Variants in GDPGP1 observed in about 807,000 individuals in gnomAD.
The protein encoded by GDPGP1 is GDP-D-glucose phosphorylase 1, also known as GDP-D-glucose phosphorylase C15orf58.
Under a neutral mutation model 19.2 loss-of-function variants are expected in GDPGP1, and 18 were observed. The observed-to-expected ratio is 0.94, with a 90% CI of 0.65 to 1.39. The LOEUF (loss-of-function observed/expected upper bound fraction) is 1.39. Among genes scored for constraint, GDPGP1 ranks in the 40% most tolerant of loss-of-function variants. The pLI, the probability that GDPGP1 is intolerant of heterozygous loss-of-function variation, is 0.00. For missense variants in GDPGP1, 449 were observed against 490.5 expected, an observed-to-expected ratio of 0.92 and a Z score of 0.80; for synonymous variants, 219 against 208.9, an observed-to-expected ratio of 1.05 and a Z score of -0.42.
rs1484777535 is a variant in GDPGP1, at chr15:90,241,669, G to A, written c.761G>A (p.Gly254Asp). Reference sequence around the variant, plus strand: ...CTGCTCCAGGACCTCCCAGCTCCTGGCTTCCTCTTTTACACTCGTGGGCCA... The same window carrying A: ...CTGCTCCAGGACCTCCCAGCTCCTGACTTCCTCTTTTACACTCGTGGGCCA... Reference protein sequence around the residue: ...LHLLQDLPAPGFLFYTRGPGP... With the variant: ...LHLLQDLPAPDFLFYTRGPGP... Residue 254 changes from glycine to aspartate, a missense_variant, in exon 4 of 4, where the codon GGC (glycine) becomes GAC (aspartate). Gly to Asp is a moderately conservative substitution (Grantham distance 94). Coordinates refer to ENST00000329600, the MANE Select transcript of GDPGP1 (RefSeq NM_001013657.3). 1 of 1,614,100 alleles carries A rather than the reference G, an allele frequency of 6.2e-7. No individual in the cohort carries two copies. Among genetic ancestry groups the A allele is most frequent in the African/African-American group, 1.3e-5 (1 of 74,934 alleles).
rs1962828462 is a variant in GDPGP1 at position 90,244,624 on chromosome 15, ACCAGCCTGG to A, written c.*2562_*2570del. ...GCAAATCACTTGTCAGGAGTTCGAG[ACCAGCCTGG>A]CCAACATGGTGAAACCCCATCTCTA... On this transcript the variant is annotated 3_prime_UTR_variant, in exon 4 of 4. Transcript: ENST00000329600. 6.6e-6 allele frequency: 1 copy of A among 152,158 alleles called. No homozygotes were observed. The highest frequency in any genetic ancestry group is 2.4e-5 in the African/African-American group (1 of 41,406). 9.4% of individuals were successfully genotyped at this position (152,158 alleles called of 1,614,324 possible). A position where few individuals can be genotyped will look rare whatever the true frequency, so the allele number is the denominator to read the frequency against.
At position 90,245,510 on chromosome 15, in the gene GDPGP1, A is replaced by T. The variant is rs1025921679; in HGVS notation, c.*3444A>T. The T allele has an allele frequency of 1.3e-5, 2 of 151,140 alleles. No homozygotes were observed. Among genetic ancestry groups the T allele is most frequent in the Non-Finnish European group, 2.9e-5 (2 of 67,830 alleles). 9.4% of individuals were successfully genotyped at this position (151,140 alleles called of 1,614,324 possible). A position where few individuals can be genotyped will look rare whatever the true frequency, so the allele number is the denominator to read the frequency against. On this transcript the variant is annotated 3_prime_UTR_variant, in exon 4 of 4. Coordinates refer to ENST00000329600, the MANE Select transcript of GDPGP1 (RefSeq NM_001013657.3). ...AAAGAAAAAAACAGTTTACCATTCT[A>T]TCAGAAAATGTTGACCACCCTCATA...
At chr15:90,238,982 C>G (rs544970748) in intron 3 of GDPGP1, among the ~76,000 whole-genome samples, 1 of 152,080 alleles carries the variant, frequency 6.6e-6, no homozygotes, top group Admixed American at 6.5e-5. Flanking sequence ...CTACTCTGAC[C>G]CAGTGGTATA....
chr15:90,239,305 A>ATG (rs4031525), intron 3 of GDPGP1, among the ~76,000 whole-genome samples: 27,431 of 147,814 alleles, frequency 0.19, 2,673 homozygotes, highest in East Asian at 0.31. Context: ...GAGACATAAA[A>ATG]TGTGTGTGTG....
In GDPGP1 at chr15:90,241,387, G is replaced by T. The variant is rs1962753469; in HGVS notation, c.479G>T (p.Ser160Ile). Residue 160 changes from serine (S) to isoleucine (I), a missense_variant, in exon 4 of 4, where the codon AGC (serine) becomes ATC (isoleucine). Physicochemically the swap from Ser to Ile is moderately radical, Grantham distance 142. Coordinates refer to ENST00000329600, the MANE Select transcript of GDPGP1 (RefSeq NM_001013657.3). ...QEDILVVINV[S>I]PLEWGHVLLV... The stretch of plus-strand genomic sequence containing the variant: ...GACATCCTGGTGGTGATCAACGTCA[G>T]CCCCCTGGAGTGGGGCCACGTGCTG... 1 of 1,613,916 alleles carries T rather than the reference G, an allele frequency of 6.2e-7. No homozygotes were observed.
At position 90,242,606 on chromosome 15, in the gene GDPGP1, G is replaced by A. The variant is rs1308036874; in HGVS notation, c.*540G>A. 5 of 150,876 alleles carry A rather than the reference G, an allele frequency of 3.3e-5. No individual in the cohort carries two copies. The highest frequency in any genetic ancestry group is 6.6e-5 in the Admixed American group (1 of 15,100). 9.3% of individuals were successfully genotyped at this position (150,876 alleles called of 1,614,324 possible). A position where few individuals can be genotyped will look rare whatever the true frequency, so the allele number is the denominator to read the frequency against. The stretch of plus-strand genomic sequence containing the variant: ...TATACAGGCTCCTGCCACCAAACCC[G>A]GCTAATTTTTTTGTATTTTTAAAAG... On this transcript the variant is annotated 3_prime_UTR_variant, in exon 4 of 4. Coordinates refer to ENST00000329600, the MANE Select transcript of GDPGP1 (RefSeq NM_001013657.3).
At position 90,238,798 on chromosome 15, in the gene GDPGP1, C is replaced by T. The variant is rs117113619; in HGVS notation, c.-10+250C>T. 3.3e-5 allele frequency among the ~76,000 whole-genome samples: 5 copies of T among 152,242 alleles called. No individual in the cohort carries two copies. The East Asian group carries it at 9.6e-4, about 29-fold the overall frequency. On this transcript the variant is annotated intron_variant, in intron 3 of 3. Coordinates refer to ENST00000329600, the MANE Select transcript of GDPGP1 (RefSeq NM_001013657.3). ...ACAAAAGAAGTGGTCATCTTTGAAA[C>T]CCTGAGCACTCTCATGCACTGGAAC...
chr15:90,238,028 G>T (rs140655715), intron 2 of GDPGP1, among the ~76,000 whole-genome samples: 1 of 152,136 alleles, frequency 6.6e-6, no homozygotes, highest in African/African-American at 2.4e-5. Flanking sequence ...GGCCAGGTGC[G>T]GTGGCTCACG....
At position 90,245,761 on chromosome 15, in the gene GDPGP1, G is replaced by A. The variant is rs1455312144; in HGVS notation, c.*3695G>A. 2 of 152,120 alleles carry A rather than the reference G, an allele frequency of 1.3e-5. No homozygotes were observed. The highest frequency in any genetic ancestry group is 2.9e-5 in the Non-Finnish European group (2 of 68,012). The allele number at this position is 152,120 out of a possible 1,614,324, so 9.4% of individuals were successfully genotyped here. A position where few individuals can be genotyped will look rare whatever the true frequency, so the allele number is the denominator to read the frequency against. The stretch of plus-strand genomic sequence containing the variant: ...GGAAAGCCTTCCCTGACTCAAATAT[G>A]TTTCTCCATATAAAAAGGGGAAAGT... On this transcript the variant is annotated 3_prime_UTR_variant, in exon 4 of 4. Coordinates refer to ENST00000329600, the MANE Select transcript of GDPGP1 (RefSeq NM_001013657.3).
chr15:90,234,782 C>T (rs1962596797), intron 2 of GDPGP1, among the ~76,000 whole-genome samples, 186 bp downstream of exon 2: 2 of 152,194 alleles, frequency 1.3e-5, no homozygotes, highest in Non-Finnish European at 2.9e-5. Flanking sequence ...AGACTGCTGA[C>T]CCTTTGCTCT....
At chr15:90,239,136 G>A (rs899295316) in intron 3 of GDPGP1, among the ~76,000 whole-genome samples, 8 of 152,090 alleles carry the variant, frequency 5.3e-5, no homozygotes, top group African/African-American at 1.9e-4. Flanking sequence ...TGGTTAAAAA[G>A]TCAAGATCCA....
Position 90,240,970 on chromosome 15 carries a change from G to A in GDPGP1, c.62G>A (p.Trp21Ter). Residue 21 changes from tryptophan to a stop codon, truncating the protein, a stop_gained, in exon 4 of 4, where the codon TGG becomes TAG. Transcript: ENST00000329600. LOFTEE classifies it high-confidence loss of function. Reference sequence around the variant, plus strand: ...TTGCTGCCTCCCAACAATGAGGACTGGGGCAGGCAAACCATTCCTGACTTT... The same window carrying A: ...TTGCTGCCTCCCAACAATGAGGACTAGGGCAGGCAAACCATTCCTGACTTT... Reference protein sequence around the residue: ...SYLLPPNNEDWGRQTIPDFVY... With the variant: ...SYLLPPNNED 2.5e-6 allele frequency: 4 copies of A among 1,613,954 alleles called. No homozygotes were observed. The highest frequency in any genetic ancestry group is 3.4e-6 in the Non-Finnish European group (4 of 1,179,846).
Position 90,241,949 on chromosome 15 carries a change from C to T in GDPGP1, c.1041C>T (p.Phe347=). The T allele has an allele frequency of 1.2e-6, 2 of 1,614,184 alleles. No homozygotes were observed. Among genetic ancestry groups the T allele is most frequent in the Non-Finnish European group, 1.7e-6 (2 of 1,180,032 alleles). Residue 347 remains phenylalanine, a synonymous_variant, in exon 4 of 4, where the codon TTC becomes TTT. Transcript: ENST00000329600. ...GHLPVKTSQD[F]SSLTEAAAVA... is the part of the protein sequence containing the mutation. Reference sequence around the variant, plus strand: ...TCCCTGTCAAAACATCCCAGGACTTCAGCAGCCTGACAGAGGCAGCTGCTG... The same window carrying T: ...TCCCTGTCAAAACATCCCAGGACTTTAGCAGCCTGACAGAGGCAGCTGCTG...
chr15:90,238,296 T>A (rs1313740384), intron 2 of GDPGP1, among the ~76,000 whole-genome samples, 196 bp from the exon 3 acceptor site: 1 of 152,032 alleles, frequency 6.6e-6, no homozygotes, highest in Non-Finnish European at 1.5e-5. Flanking sequence ...TGAGATTCTG[T>A]CTTTAAAAAA....
In GDPGP1 at chr15:90,245,608, A is replaced by T. The variant is rs1008564587; in HGVS notation, c.*3542A>T. On this transcript the variant is annotated 3_prime_UTR_variant, in exon 4 of 4. Transcript: ENST00000329600. ...TTGCATGCATAAGCTCCAGTATCAC[A>T]CTTAATTTTGCTTGCTTGCTCTCTG... The T allele has an allele frequency of 5.9e-5, 9 of 152,218 alleles. No individual in the cohort carries two copies. The highest frequency in any genetic ancestry group is 5.9e-4 in the Admixed American group (9 of 15,278). The allele number at this position is 152,218 out of a possible 1,614,324, so 9.4% of individuals were successfully genotyped here.
intron 2 of GDPGP1, among the ~76,000 whole-genome samples, chr15:90,235,430 G>A (rs974430990): frequency 1.3e-5 from 2 of 152,102 alleles, no homozygotes; most frequent in African/African-American, 2.4e-5. Context: ...GCCAGACATG[G>A]TTAAACCTGG....
chr15:90,237,217 C>G (rs922537835), intron 2 of GDPGP1, among the ~76,000 whole-genome samples: 1 of 151,992 alleles, frequency 6.6e-6, no homozygotes, highest in African/African-American at 2.4e-5. Flanking sequence ...CCTTGGCCCC[C>G]CAGAGTGCTG....
At chr15:90,237,283 CTTTTTTTT>C (rs35595704) in intron 2 of GDPGP1, among the ~76,000 whole-genome samples, 1 of 113,244 alleles carries the variant, frequency 8.8e-6, no homozygotes, top group Non-Finnish European at 1.7e-5. Flanking sequence ...CTTTTTTTCC[CTTTTTTTT>C]TTTTTTTTTG....
In GDPGP1 at chr15:90,242,170, C is replaced by T; in HGVS notation, c.*104C>T. On this transcript the variant is annotated 3_prime_UTR_variant, in exon 4 of 4. Transcript: ENST00000329600. ...TGGTATGATCCTGGCTCACTGTAGC[C>T]TCCACCTCTGGGGCTGAAGTGATCC... 1 of 962,532 alleles carries T rather than the reference C, an allele frequency of 1.0e-6. No individual in the cohort carries two copies. Among genetic ancestry groups the T allele is most frequent in the Non-Finnish European group, 1.5e-6 (1 of 664,868 alleles). The allele number at this position is 962,532 out of a possible 1,614,324, so 59.6% of individuals were successfully genotyped here.
Sources: allele counts gnomAD v4.1 joint callset (sites outside exome capture counted in the v4.1 genomes callset), GRCh38; gene constraint gnomAD v4.1.1; transcripts MANE v1.5; gene names NCBI Gene and HGNC (gene_info 2026-07-23, HGNC 2026-07-21).